Variants in TACR3 observed in about 807,000 individuals in gnomAD.
The protein encoded by TACR3 is tachykinin receptor 3.
Under a neutral mutation model 35.0 loss-of-function variants are expected in TACR3, and 34 were observed. That is an observed-to-expected ratio of 0.97 (90% CI 0.74 to 1.30). The LOEUF (loss-of-function observed/expected upper bound fraction) is 1.30. TACR3 is among the 50% of genes most tolerant of loss of function. The pLI is 0.00. For missense variants in TACR3, 558 were observed against 591.7 expected (o/e 0.94, Z 0.59); for synonymous variants, 233 against 221.1 (o/e 1.05, Z -0.48).
chr4:103,604,517 A>G (rs576663440), intron 3 of TACR3, among the ~76,000 whole-genome samples: 2 of 152,358 alleles, frequency 1.3e-5, no homozygotes, highest in African/African-American at 2.4e-5. Flanking sequence ...AAGCAATGGC[A>G]ACAAAAGCCA....
At chr4:103,702,977 A>T (rs999343463) in intron 1 of TACR3, among the ~76,000 whole-genome samples, 1 of 151,914 alleles carries the variant, frequency 6.6e-6, no homozygotes, top group Non-Finnish European at 1.5e-5. Flanking sequence ...GGTGCAGCAC[A>T]CCAACATGGC....
chr4:103,657,375 G>A lies in TACR3; in HGVS notation c.737+840C>T, dbSNP rs149414489. ...GATAACATTATCATACAATTAAGAT[G>A]TATTAATAATATGAATAGGGTACTC... is the stretch of plus-strand genomic sequence containing the variant. On this transcript the variant is annotated intron_variant, in intron 2 of 4. Transcript: ENST00000304883. Among the ~76,000 whole-genome samples the A allele has an allele frequency of 6.3e-3, 960 of 152,054 alleles. 7 individuals carry two copies. The highest frequency in any genetic ancestry group is 0.017 in the South Asian group (81 of 4,824).
intron 3 of TACR3, among the ~76,000 whole-genome samples, chr4:103,594,059 T>C (rs1304471310): frequency 2.0e-5 from 3 of 152,194 alleles, no homozygotes; most frequent in Non-Finnish European, 2.9e-5. Flanking sequence ...TAGTCAGTTA[T>C]TACTAGTATC....
intron 3 of TACR3, among the ~76,000 whole-genome samples, chr4:103,637,323 A>G (rs1725215838): frequency 6.6e-6 from 1 of 152,176 alleles, no homozygotes; most frequent in Admixed American, 6.5e-5. Context: ...TATAAACAGA[A>G]CCAACGACAA....
chr4:103,590,028 A>G (rs1160779677), intron 4 of TACR3, 34 bp from the exon 5 acceptor site: 1 of 1,598,240 alleles, frequency 6.3e-7, no homozygotes, highest in Non-Finnish European at 8.5e-7. Flanking sequence ...AGAAAAAGTT[A>G]TTTTTTCAAG....
chr4:103,606,646 G>T (rs1390636688), intron 3 of TACR3, among the ~76,000 whole-genome samples: 2 of 152,058 alleles, frequency 1.3e-5, no homozygotes, highest in African/African-American at 4.8e-5. Context: ...GTATAAGAAT[G>T]CTTGTGATTT....
rs1722242888 is a variant in TACR3, at chr4:103,686,458, C to T, written c.549-28055G>A. 3.9e-5 allele frequency among the ~76,000 whole-genome samples: 6 copies of T among 152,162 alleles called. No homozygotes were observed. The South Asian group carries it at 1.0e-3, about 26-fold the overall frequency. On this transcript the variant is annotated intron_variant, in intron 1 of 4. Transcript: ENST00000304883. ...AAAAACTGAGCAATGGTACCATAGA[C>T]CACAAACTGTCAAACAAACACTCCA...
At chr4:103,610,287 ATTTT>A (rs1410788758) in intron 3 of TACR3, among the ~76,000 whole-genome samples, 1 of 151,692 alleles carries the variant, frequency 6.6e-6, no homozygotes, top group Non-Finnish European at 1.5e-5. Flanking sequence ...AGCATTTGTT[ATTTT>A]TTGTCTTTTT....
chr4:103,712,416 G>C (rs1311388874), intron 1 of TACR3, among the ~76,000 whole-genome samples: 1 of 152,144 alleles, frequency 6.6e-6, no homozygotes, highest in Admixed American at 6.5e-5. Context: ...AAATTGGCTA[G>C]CCATATGTAG....
chr4:103,637,589 G>A (rs547859997), intron 3 of TACR3, among the ~76,000 whole-genome samples: 1 of 152,154 alleles, frequency 6.6e-6, no homozygotes, highest in African/African-American at 2.4e-5. Flanking sequence ...TTCTGGCCAG[G>A]GCAATCAGGC....
At chr4:103,614,556 G>C (rs762335302) in intron 3 of TACR3, among the ~76,000 whole-genome samples, 1 of 152,194 alleles carries the variant, frequency 6.6e-6, no homozygotes, top group South Asian at 2.1e-4. Flanking sequence ...GCAGTGCTAA[G>C]AGCATTAAAG....
At chr4:103,673,386 T>C (rs556728186) in intron 1 of TACR3, among the ~76,000 whole-genome samples, 3 of 152,268 alleles carry the variant, frequency 2.0e-5, no homozygotes, top group African/African-American at 7.2e-5. Flanking sequence ...GAGGACATTG[T>C]ATGGTTATTA....
intron 1 of TACR3, among the ~76,000 whole-genome samples, chr4:103,660,657 A>G (rs1162879329): frequency 6.6e-6 from 1 of 152,046 alleles, no homozygotes; most frequent in Non-Finnish European, 1.5e-5. Flanking sequence ...AAATGTATAC[A>G]TTAAATATGT....
intron 1 of TACR3, among the ~76,000 whole-genome samples, chr4:103,702,317 C>A (rs1722672705): frequency 6.6e-6 from 1 of 152,100 alleles, no homozygotes; most frequent in South Asian, 2.1e-4. Flanking sequence ...TCATCACTGA[C>A]CATCAGAGAA....
At chr4:103,601,449 G>C (rs188192348) in intron 3 of TACR3, among the ~76,000 whole-genome samples, 2 of 152,064 alleles carry the variant, frequency 1.3e-5, no homozygotes, top group Non-Finnish European at 2.9e-5. Context: ...TGGTTATTTT[G>C]CTCGATATTT....
intron 1 of TACR3, among the ~76,000 whole-genome samples, chr4:103,666,646 G>A (rs1457385568): frequency 6.6e-6 from 1 of 151,958 alleles, no homozygotes; most frequent in Non-Finnish European, 1.5e-5. Context: ...TCAAAATGCT[G>A]CATCAGTAAA....
At chr4:103,610,280 A>G (rs894487117) in intron 3 of TACR3, among the ~76,000 whole-genome samples, 1 of 151,948 alleles carries the variant, frequency 6.6e-6, no homozygotes, top group African/African-American at 2.4e-5. Context: ...CTTTGCCAGC[A>G]TTTGTTATTT....
At chr4:103,629,708 A>G (rs1034254260) in intron 3 of TACR3, among the ~76,000 whole-genome samples, 1 of 152,062 alleles carries the variant, frequency 6.6e-6, no homozygotes, top group African/African-American at 2.4e-5. Flanking sequence ...GAAAATGGCC[A>G]TACTGCCCAA....
intron 1 of TACR3, among the ~76,000 whole-genome samples, chr4:103,660,233 T>C (rs1029028649): frequency 6.6e-6 from 1 of 151,676 alleles, no homozygotes; most frequent in Non-Finnish European, 1.5e-5. Context: ...TAATTCATTA[T>C]GTATAACAGC....
Sources: gnomAD v4.1 joint callset for allele counts (sites outside exome capture counted in the v4.1 genomes callset) on GRCh38, gnomAD v4.1.1 for gene constraint, MANE v1.5 for transcripts, NCBI Gene and HGNC (gene_info 2026-07-23, HGNC 2026-07-21) for gene names.